ZNF560: variants seen among roughly 807,000 people sequenced by gnomAD.
ZNF560 encodes the protein zinc finger protein 560.
In ZNF560, 54 loss-of-function variants were observed where a neutral mutation model predicts 81.8. That is an observed-to-expected ratio of 0.66 (90% CI 0.53 to 0.83). The LOEUF (loss-of-function observed/expected upper bound fraction) is 0.83. Ranked by LOEUF, ZNF560 falls within the 40% of genes least tolerant of loss-of-function variation. The pLI, the probability that ZNF560 is intolerant of heterozygous loss-of-function variation, is 0.00. For synonymous variants in ZNF560, 321 were observed against 317.9 expected, an observed-to-expected ratio of 1.01 and a Z score of -0.10; for missense variants, 940 against 932.4, an observed-to-expected ratio of 1.01 and a Z score of -0.11.
downstream of ZNF560, among the ~76,000 whole-genome samples, chr19:9,463,112 CAAGTT>C (rs1449199887): frequency 6.6e-6 from 1 of 152,040 alleles, no homozygotes; most frequent in Non-Finnish European, 1.5e-5. Flanking sequence ...CTGAAGGTTA[CAAGTT>C]AAGTCAGTTA....
At chr19:9,463,259 TA>T (rs747997962), downstream of ZNF560, among the ~76,000 whole-genome samples, 11 of 151,988 alleles carry the variant, frequency 7.2e-5, no homozygotes, top group African/African-American at 2.4e-4. Context: ...AATCAGCTTC[TA>T]AAAAAAATAA....
the ZNF560 span, among the ~76,000 whole-genome samples, chr19:9,448,356 G>A: frequency 3.4e-5 from 5 of 149,028 alleles, no homozygotes; most frequent in East Asian, 3.9e-4. Flanking sequence ...CTCAGCCTCC[G>A]GAGTAGCTGG....
chr19:9,449,871 A>C, the ZNF560 span, among the ~76,000 whole-genome samples: 1 of 148,608 alleles, frequency 6.7e-6, no homozygotes, highest in African/African-American at 2.5e-5. Context: ...TGGGAGGCTG[A>C]GGCAGGAGAA....
intron 2 of ZNF560, among the ~76,000 whole-genome samples, chr19:9,480,000 C>T (rs1568459130): frequency 6.6e-6 from 1 of 151,998 alleles, no homozygotes. Flanking sequence ...GATCTGAAGA[C>T]AGAGATAGAT....
the ZNF560 span, among the ~76,000 whole-genome samples, chr19:9,456,895 G>C: frequency 6.6e-6 from 1 of 152,156 alleles, no homozygotes; most frequent in Non-Finnish European, 1.5e-5. Context: ...TGCATGAAAT[G>C]GGGTATGTCC....
intron 2 of ZNF560, among the ~76,000 whole-genome samples, chr19:9,484,646 A>AAAAAG (rs2073356365): frequency 6.7e-6 from 1 of 148,720 alleles, no homozygotes; most frequent in Non-Finnish European, 1.5e-5. Flanking sequence ...AAAAAAAAAA[A>AAAAAG]TTAGCCAGGC....
At chr19:9,501,327 TTGTGTGTGTGTGTGTG>T (rs71185606), upstream of ZNF560, among the ~76,000 whole-genome samples, 204 of 109,020 alleles carry the variant, frequency 1.9e-3, no homozygotes, top group African/African-American at 6.7e-3. Flanking sequence ...CCTGGCTACT[TTGTGTGTGTGTGTGTG>T]TGTGTGTGTG....
intron 5 of ZNF560, 27 bp from the exon 6 acceptor site, chr19:9,471,405 T>TG: frequency 2.8e-6 from 4 of 1,430,544 alleles, no homozygotes; most frequent in Non-Finnish European, 3.7e-6. Context: ...AACTGAGGTT[T>TG]TTTTTTTTTT....
At chr19:9,497,377 T>A (rs117813643) in intron 2 of ZNF560, among the ~76,000 whole-genome samples, 1 of 151,498 alleles carries the variant, frequency 6.6e-6, no homozygotes. Flanking sequence ...TCTACAAAAA[T>A]ACAAAAAATT....
rs1023550648 is a variant in ZNF560 at position 9,467,504 on chromosome 19, ACTT to A, written c.1440_1442del (p.Arg480del). On this transcript the variant is annotated inframe_deletion, in exon 10 of 10. Coordinates refer to ENST00000301480, the MANE Select transcript of ZNF560 (RefSeq NM_152476.3). ...AATCAAAGCGTTTCTGTCCTGTGTT[ACTT>A]CTTCTATCTTCAATAACACCTGAGG... 9 of 1,613,942 alleles carry A rather than the reference ACTT, an allele frequency of 5.6e-6. No individual in the cohort carries two copies. Among genetic ancestry groups the A allele is most frequent in the Non-Finnish European group, 7.6e-6 (9 of 1,180,024 alleles).
chr19:9,472,092 A>G lies in ZNF560; in HGVS notation c.239-714T>C, dbSNP rs546635643. ...GCCACTGCACTCCAGCCTGGGGGAC[A>G]GAGTGAGACTCCGTCTCAAAAAAAA... On this transcript the variant is annotated intron_variant, in intron 5 of 9. Coordinates refer to ENST00000301480, the MANE Select transcript of ZNF560 (RefSeq NM_152476.3). Among the ~76,000 whole-genome samples the G allele has an allele frequency of 3.9e-4, 59 of 149,956 alleles. 1 individual carries two copies. Among genetic ancestry groups the G allele is most frequent in the African/African-American group, 1.4e-3 (59 of 40,812 alleles).
intron 2 of ZNF560, among the ~76,000 whole-genome samples, chr19:9,496,997 C>A (rs1210202580): frequency 6.6e-6 from 1 of 151,746 alleles, no homozygotes; most frequent in African/African-American, 2.4e-5. Context: ...GAGGACAGTA[C>A]GTTAAGTGAA....
At chr19:9,453,334 T>C in the ZNF560 span, among the ~76,000 whole-genome samples, 12 of 152,240 alleles carry the variant, frequency 7.9e-5, no homozygotes, top group Admixed American at 5.9e-4. Flanking sequence ...TAATTTGTTA[T>C]GTCAACACAA....
chr19:9,483,262 C>G, intron 2 of ZNF560, among the ~76,000 whole-genome samples: 1 of 151,720 alleles, frequency 6.6e-6, no homozygotes, highest in Admixed American at 6.6e-5. Context: ...GTGGGGAGCA[C>G]CTCTGCCCCG....
At chr19:9,462,564 G>A (rs2072950044), downstream of ZNF560, among the ~76,000 whole-genome samples, 4 of 152,032 alleles carry the variant, frequency 2.6e-5, no homozygotes, top group African/African-American at 4.8e-5. Flanking sequence ...TAGTGCTGCT[G>A]GATTGTGGTC....
chr19:9,494,316 G>A (rs1467382940), intron 2 of ZNF560, among the ~76,000 whole-genome samples: 3 of 152,100 alleles, frequency 2.0e-5, no homozygotes, highest in African/African-American at 7.2e-5. Context: ...CTGTGAACAT[G>A]CCAGTTACCA....
At chr19:9,480,449 T>C (rs924964651) in intron 2 of ZNF560, among the ~76,000 whole-genome samples, 2 of 150,448 alleles carry the variant, frequency 1.3e-5, no homozygotes, top group Non-Finnish European at 3.0e-5. Flanking sequence ...AAAAAGAAAA[T>C]CACAAGTAAA....
At chr19:9,464,489 T>C (rs182940273), downstream of ZNF560, among the ~76,000 whole-genome samples, 8 of 152,318 alleles carry the variant, frequency 5.3e-5, no homozygotes, top group East Asian at 1.5e-3. Context: ...TACTATCTGT[T>C]AGTGCACCCT....
At chr19:9,448,835 G>A in the ZNF560 span, among the ~76,000 whole-genome samples, 1 of 152,230 alleles carries the variant, frequency 6.6e-6, no homozygotes, top group South Asian at 2.1e-4. Context: ...AAAAGTGGGA[G>A]AAAGAGCTAT....
Sources: gnomAD v4.1 joint callset for allele counts (sites outside exome capture counted in the v4.1 genomes callset) on GRCh38, gnomAD v4.1.1 for gene constraint, MANE v1.5 for transcripts, NCBI Gene and HGNC (gene_info 2026-07-23, HGNC 2026-07-21) for gene names.